RNGTT: variants seen among roughly 807,000 people sequenced by gnomAD.
RNGTT encodes the protein mRNA-capping enzyme.
A neutral mutation model predicts 79.3 loss-of-function variants in RNGTT; 33 were observed. That is an observed-to-expected ratio of 0.42 (90% confidence interval 0.32 to 0.56). The LOEUF (loss-of-function observed/expected upper bound fraction) is 0.56. Among genes scored for constraint, RNGTT ranks in the 20% least tolerant of loss-of-function variants. RNGTT has a pLI of 0.17. For synonymous variants in RNGTT, 222 were observed against 235.9 expected, an observed-to-expected ratio of 0.94 and a Z score of 0.54; for missense variants, 497 against 739.1, an observed-to-expected ratio of 0.67 and a Z score of 3.80.
intron 12 of RNGTT, among the ~76,000 whole-genome samples, chr6:88,796,249 CA>C (rs1457796277): frequency 2.6e-5 from 4 of 151,730 alleles, no homozygotes; most frequent in African/African-American, 9.7e-5. Context: ...CAACTAGAAA[CA>C]TTTAAAGTAT....
intron 2 of RNGTT, among the ~76,000 whole-genome samples, chr6:88,935,586 GT>G (rs890128176): frequency 1.3e-5 from 2 of 152,018 alleles, no homozygotes. Flanking sequence ...AAAGTTAGGA[GT>G]TTTTTCTATT....
intron 13 of RNGTT, among the ~76,000 whole-genome samples, chr6:88,729,215 G>GT (rs1777024950): frequency 6.6e-6 from 1 of 152,178 alleles, no homozygotes. Flanking sequence ...AAGGGATGCA[G>GT]TGAGCTTAAA....
rs1303688973 is a variant in RNGTT, at chr6:88,771,315, G to GTGTATATATATA, written c.1339-1442_1339-1441insTATATATATACA. On this transcript the variant is annotated intron_variant, in intron 12 of 15. Transcript: ENST00000369485. ...ACTGTATGTATGTATGTGTGTGTGT[G>GTGTATATATATA]TATATATATATATATATATATATAT... Among the ~76,000 whole-genome samples, 12 of 62,070 alleles carry GTGTATATATATA rather than the reference G, an allele frequency of 1.9e-4. No homozygotes were observed. In the East Asian group the frequency reaches 2.0e-3, roughly 10 times the overall value. The allele number at this position is 62,070 out of a possible 152,430, so 40.7% of individuals were successfully genotyped here. A position where few individuals can be genotyped will look rare whatever the true frequency, so the allele number is the denominator to read the frequency against.
At position 88,802,200 on chromosome 6, in the gene RNGTT, T is replaced by C. The variant is rs78847419; in HGVS notation, c.1270-568A>G. ...TTGTAACCACAAACCAGCTCAAACA[T>C]GGAGATTATAATCCATAAATACATT... On this transcript the variant is annotated intron_variant, in intron 11 of 15. Transcript: ENST00000369485. 7.4e-3 allele frequency among the ~76,000 whole-genome samples: 1,123 copies of C among 152,306 alleles called. 15 individuals carry two copies. The highest frequency in any genetic ancestry group is 0.024 in the African/African-American group (1,004 of 41,560).
chr6:88,802,492 G>A (rs1779824183), intron 11 of RNGTT, among the ~76,000 whole-genome samples: 1 of 152,136 alleles, frequency 6.6e-6, no homozygotes, highest in South Asian at 2.1e-4. Flanking sequence ...ATGGAGGCCT[G>A]AAACATGAAT....
At chr6:88,957,955 T>A (rs1785489018) in intron 1 of RNGTT, among the ~76,000 whole-genome samples, 1 of 152,050 alleles carries the variant, frequency 6.6e-6, no homozygotes, top group Non-Finnish European at 1.5e-5. Context: ...TGTAAAGGCA[T>A]CACATTACCC....
chr6:88,774,322 A>G (rs1223604591), intron 12 of RNGTT, among the ~76,000 whole-genome samples: 1 of 152,128 alleles, frequency 6.6e-6, no homozygotes, highest in East Asian at 1.9e-4. Context: ...CACAGAAACT[A>G]ACAAGTGTTG....
chr6:88,959,574 A>C (rs540352403), intron 1 of RNGTT, among the ~76,000 whole-genome samples: 4 of 152,148 alleles, frequency 2.6e-5, no homozygotes, highest in Non-Finnish European at 5.9e-5. Context: ...ATATCTCTCA[A>C]ATTAGCCTTC....
chr6:88,946,815 T>C (rs1179231524), intron 1 of RNGTT, among the ~76,000 whole-genome samples: 1 of 143,262 alleles, frequency 7.0e-6, no homozygotes, highest in Middle Eastern at 3.2e-3. Flanking sequence ...CCGCCACGCC[T>C]GACTGGTTTT....
At chr6:88,758,852 T>TTTTA (rs56750823) in intron 13 of RNGTT, among the ~76,000 whole-genome samples, 20,998 of 152,156 alleles carry the variant, frequency 0.14, 1,563 homozygotes, top group Middle Eastern at 0.24. Context: ...GATTATTCTT[T>TTTTA]TTTATTTATT....
intron 13 of RNGTT, among the ~76,000 whole-genome samples, chr6:88,732,910 C>T (rs1316436830): frequency 2.0e-5 from 3 of 152,124 alleles, no homozygotes; most frequent in Non-Finnish European, 4.4e-5. Flanking sequence ...ATTTATACTA[C>T]TACTGAATTG....
chr6:88,646,134 C>G (rs1404575345), intron 14 of RNGTT, among the ~76,000 whole-genome samples: 1 of 151,966 alleles, frequency 6.6e-6, no homozygotes, highest in Non-Finnish European at 1.5e-5. Context: ...ACAAAGAACT[C>G]AAACAAATTT....
At chr6:88,925,780 G>C (rs920749813) in intron 4 of RNGTT, among the ~76,000 whole-genome samples, 7 of 152,136 alleles carry the variant, frequency 4.6e-5, no homozygotes, top group African/African-American at 1.7e-4. Context: ...GGCCAAGGCA[G>C]GAGGATCAAT....
intron 13 of RNGTT, among the ~76,000 whole-genome samples, chr6:88,686,403 T>C (rs576648024): frequency 6.6e-6 from 1 of 152,188 alleles, no homozygotes; most frequent in African/African-American, 2.4e-5. Context: ...TGACAGAATT[T>C]GTATGAGAAA....
intron 13 of RNGTT, among the ~76,000 whole-genome samples, chr6:88,694,583 GAA>G (rs891151857): frequency 6.6e-6 from 1 of 151,152 alleles, no homozygotes; most frequent in African/African-American, 2.4e-5. Flanking sequence ...CACAAAAATA[GAA>G]AAAAAAATTC....
chr6:88,963,583 G>A lies in RNGTT; in HGVS notation c.-174C>T. Reference sequence around the variant, plus strand: ...AGGGGCGGCGCGCCACTTTCATTCAGGATCAACTCCACAGCTCCAGGAGAA... The same window carrying A: ...AGGGGCGGCGCGCCACTTTCATTCAAGATCAACTCCACAGCTCCAGGAGAA... On this transcript the variant is annotated 5_prime_UTR_variant, in exon 1 of 16. Transcript: ENST00000369485. 1.8e-6 allele frequency: 1 copy of A among 562,184 alleles called. No individual in the cohort carries two copies. The allele number at this position is 562,184 out of a possible 1,614,324, so 34.8% of individuals were successfully genotyped here. A position where few individuals can be genotyped will look rare whatever the true frequency, so the allele number is the denominator to read the frequency against.
chr6:88,919,707 CTT>C (rs5878082), intron 4 of RNGTT, among the ~76,000 whole-genome samples: 1,535 of 58,354 alleles, frequency 0.026, 15 homozygotes, highest in African/African-American at 0.12. Flanking sequence ...GTCAGTAGTT[CTT>C]TTTTTTTTTT....
At chr6:88,898,268 G>C (rs1213521299) in intron 6 of RNGTT, among the ~76,000 whole-genome samples, 3 of 152,220 alleles carry the variant, frequency 2.0e-5, no homozygotes, top group Non-Finnish European at 4.4e-5. Flanking sequence ...CGTCCTTATT[G>C]AATTTTGTCC....
intron 13 of RNGTT, among the ~76,000 whole-genome samples, chr6:88,766,360 T>C (rs988437516): frequency 6.6e-6 from 1 of 152,154 alleles, no homozygotes; most frequent in Non-Finnish European, 1.5e-5. Context: ...ACTACTTTTG[T>C]AATTCTAGCT....
Sources: gnomAD v4.1 joint callset for allele counts (sites outside exome capture counted in the v4.1 genomes callset) on GRCh38, gnomAD v4.1.1 for gene constraint, MANE v1.5 for transcripts, NCBI Gene and HGNC (gene_info 2026-07-23, HGNC 2026-07-21) for gene names.